PLD5: variants seen among roughly 807,000 people sequenced by gnomAD.
The protein encoded by PLD5 is phospholipase D family member 5.
A neutral mutation model predicts 61.1 loss-of-function variants in PLD5; 36 were observed. The ratio of observed to expected loss-of-function variants is 0.59; its 90% CI spans 0.45 to 0.78. The LOEUF (loss-of-function observed/expected upper bound fraction) is 0.78. Ranked by LOEUF, PLD5 falls within the 30% of genes least tolerant of loss-of-function variation. The pLI is 0.00. For synonymous variants in PLD5, 243 were observed against 242.8 expected (o/e 1.00, Z -0.01); for missense variants, 515 against 644.4 (o/e 0.80, Z 2.17).
chr1:242,203,212 C>T (rs1296039905), intron 5 of PLD5, among the ~76,000 whole-genome samples: 1 of 152,138 alleles, frequency 6.6e-6, no homozygotes, highest in Non-Finnish European at 1.5e-5. Flanking sequence ...AATATGCTCC[C>T]ATAACCAATC....
Position 242,130,751 on chromosome 1 carries a change from TAG to T in PLD5, c.736-6088_736-6087del, listed in dbSNP as rs1232741567. Reference sequence around the variant, plus strand: ...ATCCTGATGGGCTGCTCTGACTTCCTAGTTCAATCACACAGTTGATTTATGCA... The same window carrying T: ...ATCCTGATGGGCTGCTCTGACTTCCTTTCAATCACACAGTTGATTTATGCA... On this transcript the variant is annotated intron_variant, in intron 5 of 9. Transcript: ENST00000536534. Among the ~76,000 whole-genome samples the T allele has an allele frequency of 2.0e-5, 3 of 152,228 alleles. No individual in the cohort carries two copies. In the South Asian group the frequency reaches 6.2e-4, roughly 32 times the overall value.
chr1:242,402,174 G>A (rs1012087427), intron 1 of PLD5, among the ~76,000 whole-genome samples: 1 of 152,286 alleles, frequency 6.6e-6, no homozygotes, highest in African/African-American at 2.4e-5. Context: ...AGTCAATTAT[G>A]TTTGTGACAG....
intron 2 of PLD5, among the ~76,000 whole-genome samples, chr1:242,335,549 T>A (rs1398135447): frequency 2.0e-5 from 3 of 152,170 alleles, no homozygotes; most frequent in African/African-American, 7.2e-5. Flanking sequence ...GTAAATAGCA[T>A]CACTGAGAAT....
At chr1:242,110,076 ATAT>A (rs57080161) in intron 7 of PLD5, among the ~76,000 whole-genome samples, 1,497 of 143,196 alleles carry the variant, frequency 0.01, 24 homozygotes, top group African/African-American at 0.03. Flanking sequence ...ACTATATTAT[ATAT>A]TATTATTATT....
chr1:242,114,870 G>A (rs915482080), intron 6 of PLD5, among the ~76,000 whole-genome samples: 1 of 151,878 alleles, frequency 6.6e-6, no homozygotes, highest in Non-Finnish European at 1.5e-5. Flanking sequence ...ATATTACAAT[G>A]TAATAATAAT....
At chr1:242,232,521 TTTTCTC>T (rs1671373132) in intron 4 of PLD5, among the ~76,000 whole-genome samples, 1 of 152,190 alleles carries the variant, frequency 6.6e-6, no homozygotes, top group Non-Finnish European at 1.5e-5. Flanking sequence ...TGCATTTTTT[TTTTCTC>T]TTTGAGTATA....
At chr1:242,129,465 T>G (rs961610935) in intron 5 of PLD5, among the ~76,000 whole-genome samples, 1 of 152,140 alleles carries the variant, frequency 6.6e-6, no homozygotes, top group Non-Finnish European at 1.5e-5. Context: ...GGAACAAAAC[T>G]GGCTTTTGTT....
At chr1:242,262,395 T>C (rs574459234) in intron 4 of PLD5, among the ~76,000 whole-genome samples, 1 of 152,294 alleles carries the variant, frequency 6.6e-6, no homozygotes, top group East Asian at 1.9e-4. Flanking sequence ...TGTGTTTACT[T>C]TGTGAAATTC....
chr1:242,510,228 C>A (rs150707992), intron 1 of PLD5, among the ~76,000 whole-genome samples: 161 of 151,402 alleles, frequency 1.1e-3, no homozygotes, highest in African/African-American at 3.3e-3. Context: ...CACACACACA[C>A]ACAAAAAAAG....
At chr1:242,091,807 TC>T (rs1481737526) in intron 9 of PLD5, among the ~76,000 whole-genome samples, 2 of 149,316 alleles carry the variant, frequency 1.3e-5, no homozygotes, top group Non-Finnish European at 3.0e-5. Flanking sequence ...GCTTTATTCT[TC>T]TTTTTCTTTT....
chr1:242,384,655 T>C (rs1332296536), intron 1 of PLD5, among the ~76,000 whole-genome samples: 1 of 152,230 alleles, frequency 6.6e-6, no homozygotes, highest in Non-Finnish European at 1.5e-5. Context: ...ACGCAAACTG[T>C]AGCAAGCGTT....
intron 1 of PLD5, among the ~76,000 whole-genome samples, chr1:242,391,742 T>C (rs1384183520): frequency 6.6e-6 from 1 of 151,810 alleles, no homozygotes; most frequent in Non-Finnish European, 1.5e-5. Context: ...ACACATGACA[T>C]ACTCAGCTCT....
intron 7 of PLD5, among the ~76,000 whole-genome samples, chr1:242,113,214 C>T (rs1029123226): frequency 4.6e-5 from 7 of 151,826 alleles, no homozygotes; most frequent in Admixed American, 2.0e-4. Context: ...CTCAGCCTCC[C>T]GAGTAGCTGG....
chr1:242,322,814 T>C (rs1339172453), intron 2 of PLD5, among the ~76,000 whole-genome samples: 1 of 152,254 alleles, frequency 6.6e-6, no homozygotes, highest in Non-Finnish European at 1.5e-5. Context: ...TGCAGAACTG[T>C]GAGTCAATTA....
At chr1:242,323,553 G>A (rs1205088184) in intron 2 of PLD5, among the ~76,000 whole-genome samples, 1 of 152,174 alleles carries the variant, frequency 6.6e-6, no homozygotes, top group Non-Finnish European at 1.5e-5. Context: ...TTTATCAGGA[G>A]TTATTCTGAA....
intron 1 of PLD5, among the ~76,000 whole-genome samples, chr1:242,470,629 CTAT>C (rs1044843910): frequency 1.3e-5 from 2 of 152,106 alleles, no homozygotes; most frequent in African/African-American, 4.8e-5. Flanking sequence ...ATAATACTTC[CTAT>C]TATTACTATT....
chr1:242,375,696 C>T (rs982438345), intron 1 of PLD5, among the ~76,000 whole-genome samples: 1 of 152,106 alleles, frequency 6.6e-6, no homozygotes, highest in Admixed American at 6.6e-5. Context: ...AAAAATAGAA[C>T]TCTCTCAGAG....
At chr1:242,394,109 T>C (rs1663178191) in intron 1 of PLD5, among the ~76,000 whole-genome samples, 2 of 141,894 alleles carry the variant, frequency 1.4e-5, no homozygotes, top group South Asian at 4.4e-4. Context: ...TGTGTATATA[T>C]ATGAGTATAT....
At chr1:242,355,154 A>G (rs1237885086) in intron 1 of PLD5, among the ~76,000 whole-genome samples, 1 of 152,196 alleles carries the variant, frequency 6.6e-6, no homozygotes, top group Non-Finnish European at 1.5e-5. Context: ...CTTTGGAAGT[A>G]TTCTTTCCTC....
Sources: gnomAD v4.1 joint callset for allele counts (sites outside exome capture counted in the v4.1 genomes callset) on GRCh38, gnomAD v4.1.1 for gene constraint, MANE v1.5 for transcripts, NCBI Gene and HGNC (gene_info 2026-07-23, HGNC 2026-07-21) for gene names.